Variants in CYTH3 observed in about 807,000 individuals in gnomAD.
The protein encoded by CYTH3 is cytohesin 3.
A neutral mutation model predicts 55.1 loss-of-function variants in CYTH3; 23 were observed. The ratio of observed to expected loss-of-function variants is 0.42; its 90% CI spans 0.30 to 0.59. The LOEUF (loss-of-function observed/expected upper bound fraction) is 0.59, where lower values mean the gene tolerates loss of function less well. Ranked by LOEUF, CYTH3 falls within the 20% of genes least tolerant of loss-of-function variation. The probability of loss-of-function intolerance (pLI) is 0.20; values close to 1 mark genes in which losing one functional copy is unlikely to be tolerated. For missense variants in CYTH3, 413 were observed against 524.8 expected (o/e 0.79, Z 2.08); for synonymous variants, 249 against 194.9 (o/e 1.28, Z -2.31).
At chr7:6,265,721 C>T (rs1780475691) in intron 1 of CYTH3, among the ~76,000 whole-genome samples, 3 of 151,806 alleles carry the variant, frequency 2.0e-5, no homozygotes, top group African/African-American at 4.8e-5. Flanking sequence ...TCTCAATAAA[C>T]CGAGGAAAGA....
Position 6,173,743 on chromosome 7 carries a change from A to G in CYTH3, c.369-10T>C. On this transcript the variant is annotated splice_polypyrimidine_tract_variant and intron_variant, in intron 5 of 12. Coordinates refer to ENST00000350796, the MANE Select transcript of CYTH3 (RefSeq NM_004227.4). ...AATATTAAATTCATCCCTGGGAAAA[A>G]AAGAAGTAAGTTTCAAACCTAATGT... The G allele has an allele frequency of 6.5e-7, 1 of 1,549,764 alleles. No individual in the cohort carries two copies. The highest frequency in any genetic ancestry group is 8.9e-7 in the Non-Finnish European group (1 of 1,121,356).
In CYTH3 at chr7:6,164,119, T is replaced by TCATGGGAGTCACCCTGGAGCCCC. The variant is rs1399091748; in HGVS notation, c.*802_*824dup. 4.6e-4 allele frequency: 70 copies of TCATGGGAGTCACCCTGGAGCCCC among 152,488 alleles called. No individual in the cohort carries two copies. Among genetic ancestry groups the TCATGGGAGTCACCCTGGAGCCCC allele is most frequent in the African/African-American group, 1.6e-3 (67 of 41,586 alleles). 9.4% of individuals were successfully genotyped at this position (152,488 alleles called of 1,614,324 possible). On this transcript the variant is annotated 3_prime_UTR_variant, in exon 13 of 13. Transcript: ENST00000350796. ...CAAAAAGCCTGGTTGAAGGGAGGCC[T>TCATGGGAGTCACCCTGGAGCCCC]CATGGGAGTCACCCTGGAGCCCCCA...
chr7:6,196,456 C>CTTTTTTT (rs5882084), intron 1 of CYTH3, among the ~76,000 whole-genome samples: 62 of 113,922 alleles, frequency 5.4e-4, no homozygotes, highest in East Asian at 1.6e-3. Flanking sequence ...TTCTTTTTTT[C>CTTTTTTT]TTTTTTTTTT....
rs1782943914 is a variant in CYTH3, at chr7:6,164,920, A to G, written c.*24T>C. On this transcript the variant is annotated 3_prime_UTR_variant, in exon 13 of 13. Transcript: ENST00000350796. Reference sequence around the variant, plus strand: ...TCTTTCTGCTGGGGTTGGGTCTTTTACCTGGGTCTTTTAGCCAGGAAAGCT... The same window carrying G: ...TCTTTCTGCTGGGGTTGGGTCTTTTGCCTGGGTCTTTTAGCCAGGAAAGCT... 3 of 1,614,080 alleles carry G rather than the reference A, an allele frequency of 1.9e-6. No homozygotes were observed. The highest frequency in any genetic ancestry group is 2.5e-6 in the Non-Finnish European group (3 of 1,179,952).
chr7:6,233,837 G>A (rs1204059885), intron 1 of CYTH3, among the ~76,000 whole-genome samples: 5 of 152,066 alleles, frequency 3.3e-5, no homozygotes, highest in East Asian at 3.9e-4. Context: ...TACAAGTTCT[G>A]GAGGGTGGGG....
intron 1 of CYTH3, among the ~76,000 whole-genome samples, chr7:6,253,405 C>T (rs6944216): frequency 0.07 from 10,687 of 151,668 alleles, 929 homozygotes; most frequent in African/African-American, 0.2. Flanking sequence ...GATAGGGTTT[C>T]ACCATGTTGG....
chr7:6,242,668 T>G (rs1779705875), intron 1 of CYTH3, among the ~76,000 whole-genome samples: 1 of 152,050 alleles, frequency 6.6e-6, no homozygotes, highest in Non-Finnish European at 1.5e-5. Flanking sequence ...AAGAGGGGCC[T>G]TCTTAAGGGA....
Position 6,176,848 on chromosome 7 carries a change from G to A in CYTH3, c.368+975C>T, listed in dbSNP as rs554084080. Reference sequence around the variant, plus strand: ...ATCATTAAGTATGATGTTAAAGTGGGGTTTTTTATAGGTACCCTCCATCAT... The same window carrying A: ...ATCATTAAGTATGATGTTAAAGTGGAGTTTTTTATAGGTACCCTCCATCAT... On this transcript the variant is annotated intron_variant, in intron 5 of 12. Coordinates refer to ENST00000350796, the MANE Select transcript of CYTH3 (RefSeq NM_004227.4). 5.3e-5 allele frequency among the ~76,000 whole-genome samples: 8 copies of A among 152,252 alleles called. No homozygotes were observed. The South Asian group carries it at 1.7e-3, about 32-fold the overall frequency.
intron 1 of CYTH3, among the ~76,000 whole-genome samples, chr7:6,269,715 C>G (rs964128795): frequency 6.6e-6 from 1 of 152,174 alleles, no homozygotes; most frequent in Non-Finnish European, 1.5e-5. Flanking sequence ...GCCCCCCACT[C>G]GCTCCTCTTG....
chr7:6,164,959 A>G lies in CYTH3; in HGVS notation c.1185T>C (p.Ile395=). The G allele has an allele frequency of 1.2e-6, 2 of 1,614,206 alleles. No individual in the cohort carries two copies. Among genetic ancestry groups the G allele is most frequent in the South Asian group, 2.2e-5 (2 of 91,082 alleles). Residue 395 remains isoleucine (I), a synonymous_variant, in exon 13 of 13, where the codon ATT becomes ATC. Transcript: ENST00000350796. ...YDMLATRKRR[I]ANKK ...GCCAGGAAAGCTATTTTTTATTGGC[A>G]ATCCTTCGTTTCCTCGTTGCCAACA...
chr7:6,165,818 C>T lies in CYTH3; in HGVS notation c.824-8G>A, dbSNP rs375773265. ...AGGTCTTCACACGCCCTCCTAGAAG[C>T]AGAAGGGCCCCGTGAGTCTGCGCTC... On this transcript the variant is annotated splice_polypyrimidine_tract_variant and splice_region_variant and intron_variant, in intron 9 of 12. Coordinates refer to ENST00000350796, the MANE Select transcript of CYTH3 (RefSeq NM_004227.4). 2.2e-5 allele frequency: 35 copies of T among 1,613,826 alleles called. No individual in the cohort carries two copies. In the Admixed American group the frequency reaches 5.5e-4, roughly 25 times the overall value.
At position 6,170,670 on chromosome 7, in the gene CYTH3, C is replaced by A. The variant is rs1783154602; in HGVS notation, c.712-24G>T. ...TTCTGCAAGGAGGGAAAACAGCAGC[C>A]AGTTCAGAGACTCGGAGGAAAATGG... On this transcript the variant is annotated intron_variant, in intron 8 of 12. Coordinates refer to ENST00000350796, the MANE Select transcript of CYTH3 (RefSeq NM_004227.4). This position sits in a 1 kb window ranked among gnomAD's most constrained non-coding sequence, Gnocchi z 7.8. 1 of 1,607,328 alleles carries A rather than the reference C, an allele frequency of 6.2e-7. No individual in the cohort carries two copies.
rs575929435 is a variant in CYTH3 at position 6,214,880 on chromosome 7, G to T, written c.35-24349C>A. Among the ~76,000 whole-genome samples the T allele has an allele frequency of 2.6e-4, 39 of 152,204 alleles. 1 individual carries two copies. In the South Asian group the frequency reaches 6.7e-3, roughly 26 times the overall value. ...GGCTCCTCGCAACCACAGGCAAAGA[G>T]CTGCCTAGTCATACTCTTAGTATAG... On this transcript the variant is annotated intron_variant, in intron 1 of 12. Transcript: ENST00000350796.
At chr7:6,179,587 G>GACACAC (rs138381423) in intron 4 of CYTH3, among the ~76,000 whole-genome samples, 7 of 143,282 alleles carry the variant, frequency 4.9e-5, no homozygotes, top group Non-Finnish European at 9.1e-5. Flanking sequence ...TTACAAGACA[G>GACACAC]ACACACACAC....
At position 6,164,662 on chromosome 7, in the gene CYTH3, A is replaced by G. The variant is rs1562871482; in HGVS notation, c.*282T>C. 2 of 490,582 alleles carry G rather than the reference A, an allele frequency of 4.1e-6. No homozygotes were observed. The highest frequency in any genetic ancestry group is 3.5e-5 in the Admixed American group (1 of 28,456). 30.4% of individuals were successfully genotyped at this position (490,582 alleles called of 1,614,324 possible). On this transcript the variant is annotated 3_prime_UTR_variant, in exon 13 of 13. Transcript: ENST00000350796. The stretch of plus-strand genomic sequence containing the variant: ...TCGCAGGAAGGAAATGCTTCTGGAC[A>G]TGCGCAGCCGACCATGACCCCAGCC...
In CYTH3 at chr7:6,164,657, T is replaced by A. The variant is rs1005448284; in HGVS notation, c.*287A>T. 1.9e-5 allele frequency: 9 copies of A among 477,282 alleles called. No homozygotes were observed. In the East Asian group the frequency reaches 3.5e-4, roughly 18 times the overall value. 29.6% of individuals were successfully genotyped at this position (477,282 alleles called of 1,614,324 possible). On this transcript the variant is annotated 3_prime_UTR_variant, in exon 13 of 13. Coordinates refer to ENST00000350796, the MANE Select transcript of CYTH3 (RefSeq NM_004227.4). ...GATGGTCGCAGGAAGGAAATGCTTC[T>A]GGACATGCGCAGCCGACCATGACCC...
intron 1 of CYTH3, among the ~76,000 whole-genome samples, chr7:6,192,157 G>A (rs1222499174): frequency 6.6e-6 from 1 of 152,120 alleles, no homozygotes; most frequent in Non-Finnish European, 1.5e-5. Context: ...GAGTGAAGAA[G>A]AGCTGAGCCA....
chr7:6,193,030 GGTGTA>G (rs1227736501), intron 1 of CYTH3, among the ~76,000 whole-genome samples: 7 of 151,950 alleles, frequency 4.6e-5, no homozygotes, highest in Non-Finnish European at 1.0e-4. Context: ...AAATTAGCTG[GGTGTA>G]GTGGTGGGCG....
chr7:6,197,794 T>A (rs1783968546), intron 1 of CYTH3, among the ~76,000 whole-genome samples: 1 of 152,286 alleles, frequency 6.6e-6, no homozygotes, highest in African/African-American at 2.4e-5. Context: ...AAAAAAAATT[T>A]AAGTTTCACG....
Sources: allele counts gnomAD v4.1 joint callset (sites outside exome capture counted in the v4.1 genomes callset), GRCh38; gene constraint gnomAD v4.1.1; non-coding constraint Gnocchi (gnomAD v3.1); transcripts MANE v1.5; gene names NCBI Gene and HGNC (gene_info 2026-07-23, HGNC 2026-07-21).